KDM3B: variants seen among roughly 807,000 people sequenced by gnomAD.
KDM3B encodes the protein lysine-specific demethylase 3B.
KDM3B carries 10 observed loss-of-function variants against 170.0 expected under a neutral mutation model. The ratio of observed to expected loss-of-function variants is 0.06; its 90% CI spans 0.04 to 0.10. The LOEUF is 0.10. Ranked by LOEUF, KDM3B falls within the 10% of genes least tolerant of loss-of-function variation. The probability of loss-of-function intolerance (pLI) is 1.00; values close to 1 mark genes in which losing one functional copy is unlikely to be tolerated. For missense variants in KDM3B, 1,394 were observed against 2,195.2 expected (o/e 0.64, Z 7.29); for synonymous variants, 831 against 834.8 (o/e 1.00, Z 0.08).
At chr5:138,383,061 A>G (rs1762165781) in intron 6 of KDM3B, among the ~76,000 whole-genome samples, 1 of 152,108 alleles carries the variant, frequency 6.6e-6, no homozygotes, top group South Asian at 2.1e-4. Context: ...TAAGTTGTTT[A>G]GGGACTGGTA....
At chr5:138,425,733 C>A in intron 17 of KDM3B, 151 bp downstream of exon 17, 1 of 678,178 alleles carries the variant, frequency 1.5e-6, no homozygotes, top group Non-Finnish European at 2.3e-6. Context: ...GACAGCCGGG[C>A]GTGGTTGCTC....
chr5:138,372,551 C>T (rs1761900306), intron 1 of KDM3B, 123 bp from the exon 2 acceptor site: 2 of 838,288 alleles, frequency 2.4e-6, no homozygotes, highest in East Asian at 2.7e-5. Flanking sequence ...ATTAAAATAA[C>T]TTAAACACAA....
chr5:138,411,509 C>CACAAACCTCTGTCT (rs1199166852), intron 11 of KDM3B, among the ~76,000 whole-genome samples: 2 of 152,050 alleles, frequency 1.3e-5, no homozygotes, highest in Non-Finnish European at 2.9e-5. Context: ...GCTTGCCGCC[C>CACAAACCTCTGTCT]ACAAACCTCT....
chr5:138,412,969 T>C (rs1346954378), intron 11 of KDM3B, among the ~76,000 whole-genome samples: 1 of 152,132 alleles, frequency 6.6e-6, no homozygotes, highest in African/African-American at 2.4e-5. Flanking sequence ...AACAGATACG[T>C]CACCAAAAAA....
chr5:138,372,580 C>A, intron 1 of KDM3B, 94 bp from the exon 2 acceptor site: 1 of 1,012,316 alleles, frequency 9.9e-7, no homozygotes, highest in Non-Finnish European at 1.5e-6. Context: ...TATTCCTAGT[C>A]AGTTGTTCAA....
At chr5:138,369,626 C>T (rs1476075560) in intron 1 of KDM3B, among the ~76,000 whole-genome samples, 1 of 152,198 alleles carries the variant, frequency 6.6e-6, no homozygotes, top group Non-Finnish European at 1.5e-5. Flanking sequence ...CTGCTTCCTT[C>T]CGACAGTGTG....
Position 138,386,444 on chromosome 5 carries a change from C to T in KDM3B, c.1203C>T (p.Ala401=), listed in dbSNP as rs763845363. 56 of 1,613,914 alleles carry T rather than the reference C, an allele frequency of 3.5e-5. No individual in the cohort carries two copies. In the Admixed American group the frequency reaches 4.0e-4, roughly 12 times the overall value. Residue 401 remains alanine (A), a synonymous_variant, in exon 7 of 24, where the codon GCC becomes GCT. Coordinates refer to ENST00000314358, the MANE Select transcript of KDM3B (RefSeq NM_016604.4). ...QTPLAPEVGG[A]ENKEAGKTLE... ...CTTTGGCCCCAGAGGTGGGTGGAGC[C>T]GAAAACAAAGAGGCAGGAAAAACAC...
intron 6 of KDM3B, among the ~76,000 whole-genome samples, chr5:138,384,245 T>TA (rs759332474): frequency 0.26 from 34,997 of 132,368 alleles, 4,864 homozygotes; most frequent in East Asian, 0.56. Context: ...GACTCCGACT[T>TA]AAAAAAAAAA....
chr5:138,362,587 A>ACACACACACAC (rs1561755732), intron 1 of KDM3B, among the ~76,000 whole-genome samples: 4 of 78,496 alleles, frequency 5.1e-5, no homozygotes, highest in East Asian at 2.5e-4. Flanking sequence ...CACACACACA[A>ACACACACACAC]AATATCTTAA....
At position 138,426,876 on chromosome 5, in the gene KDM3B, AAAAAG is replaced by A. The variant is rs1343326610; in HGVS notation, c.4412-94_4412-90del. 1.0e-3 allele frequency: 757 copies of A among 737,288 alleles called. 17 individuals are homozygous for A. Among genetic ancestry groups the A allele is most frequent in the Middle Eastern group, 3.2e-3 (8 of 2,480 alleles). The allele number at this position is 737,288 out of a possible 1,614,324, so 45.7% of individuals were successfully genotyped here. ...AGACTCTGTCTCAAAAAAAAAAAAA[AAAAAG>A]AAAAAAAAGAGATTAGTCTCCCAAA... On this transcript the variant is annotated intron_variant, in intron 17 of 23. Transcript: ENST00000314358.
intron 7 of KDM3B, among the ~76,000 whole-genome samples, chr5:138,389,076 G>A (rs1007309371): frequency 2.6e-5 from 4 of 152,334 alleles, no homozygotes; most frequent in African/African-American, 9.6e-5. Context: ...CTAGTTCCTT[G>A]CAGTCATGCA....
intron 20 of KDM3B, 125 bp downstream of exon 20, chr5:138,428,211 T>G (rs1264500212): frequency 9.6e-6 from 10 of 1,047,092 alleles, no homozygotes; most frequent in Non-Finnish European, 1.4e-5. Flanking sequence ...TTCTGTTTTT[T>G]TTTTTGGGGG....
intron 21 of KDM3B, 122 bp from the exon 22 acceptor site, chr5:138,430,127 G>A (rs536517745): frequency 7.4e-7 from 1 of 1,358,514 alleles, no homozygotes; most frequent in Admixed American, 2.3e-5. Context: ...ACACCTAGAG[G>A]ATGTTGACTA....
At position 138,417,587 on chromosome 5, in the gene KDM3B, G is replaced by T. The variant is rs755262030; in HGVS notation, c.3412G>T (p.Ala1138Ser). The change falls in exon 13 of 24, where the codon GCC becomes TCC. Residue 1138 changes from alanine to serine, a missense_variant. Coordinates refer to ENST00000314358, the MANE Select transcript of KDM3B (RefSeq NM_016604.4). ...ACAGAACAAATCTGTATTGAGACCT[G>T]CCGTCACCAATGGGATGTCACAGGT... ...SRQNKSVLRP[A>S]VTNGMSQLPS... 6.2e-7 allele frequency: 1 copy of T among 1,614,066 alleles called. No individual in the cohort carries two copies. Among genetic ancestry groups the T allele is most frequent in the South Asian group, 1.1e-5 (1 of 91,084 alleles).
chr5:138,415,001 T>C, intron 11 of KDM3B, 131 bp from the exon 12 acceptor site: 1 of 501,816 alleles, frequency 2.0e-6, no homozygotes, highest in Non-Finnish European at 3.6e-6. Context: ...AGGGGCTTTT[T>C]GTTTTTTTAA....
intron 15 of KDM3B, among the ~76,000 whole-genome samples, chr5:138,422,195 C>A (rs1763289271): frequency 6.6e-6 from 1 of 152,136 alleles, no homozygotes; most frequent in Non-Finnish European, 1.5e-5. Flanking sequence ...ACCATCTGAC[C>A]TATTACATGT....
intron 17 of KDM3B, 102 bp downstream of exon 17, chr5:138,425,684 TG>T (rs1282946101): frequency 4.8e-6 from 5 of 1,046,556 alleles, no homozygotes; most frequent in Non-Finnish European, 6.9e-6. Flanking sequence ...TGGGGCATAA[TG>T]GGACTTGAAA....
chr5:138,368,801 C>T (rs1304286927), intron 1 of KDM3B, among the ~76,000 whole-genome samples: 2 of 152,116 alleles, frequency 1.3e-5, no homozygotes, highest in Non-Finnish European at 2.9e-5. Context: ...GTCCTTTGCT[C>T]AAGTAAGGTA....
In KDM3B at chr5:138,429,137, C is replaced by T. The variant is rs372135230; in HGVS notation, c.4754-689C>T. On this transcript the variant is annotated intron_variant, in intron 20 of 23. Transcript: ENST00000314358. ...GTTTTTTTATTTTTTCTGCAACTTC[C>T]GCCTCCTGGGTTCAAGCAATTCTCA... Among the ~76,000 whole-genome samples, 100 of 151,328 alleles carry T rather than the reference C, an allele frequency of 6.6e-4. No homozygotes were observed. The South Asian group carries it at 0.02, about 30-fold the overall frequency.
Sources: allele counts gnomAD v4.1 joint callset (sites outside exome capture counted in the v4.1 genomes callset), GRCh38; gene constraint gnomAD v4.1.1; transcripts MANE v1.5; gene names NCBI Gene and HGNC (gene_info 2026-07-23, HGNC 2026-07-21).